The following ASXL2 variants were observed in gnomAD, a reference collection of about 807,000 sequenced individuals.
ASXL2 encodes the protein putative Polycomb group protein ASXL2.
Under a neutral mutation model 122.0 loss-of-function variants are expected in ASXL2, and 23 were observed. The observed-to-expected ratio is 0.19, with a 90% CI of 0.14 to 0.27. ASXL2 has a LOEUF of 0.27. Ranked by LOEUF, ASXL2 falls within the 10% of genes least tolerant of loss-of-function variation. The pLI, the probability that ASXL2 is intolerant of heterozygous loss-of-function variation, is 1.00. For synonymous variants in ASXL2, 650 were observed against 637.0 expected (o/e 1.02, Z -0.31); for missense variants, 1,518 against 1,713.8 (o/e 0.89, Z 2.02).
chr2:25,867,884 AC>A (rs2089922738), intron 1 of ASXL2, among the ~76,000 whole-genome samples: 1 of 152,288 alleles, frequency 6.6e-6, no homozygotes, highest in Admixed American at 6.5e-5. Flanking sequence ...GTCCTAGAAT[AC>A]CCAAGTCAAA....
At chr2:25,875,927 T>C (rs1228681637) in intron 1 of ASXL2, among the ~76,000 whole-genome samples, 1 of 152,234 alleles carries the variant, frequency 6.6e-6, no homozygotes, top group Non-Finnish European at 1.5e-5. Context: ...CAGTCTGAAA[T>C]ATTACAAATG....
At chr2:25,798,455 G>C (rs1467725786) in intron 5 of ASXL2, among the ~76,000 whole-genome samples, 3 of 152,106 alleles carry the variant, frequency 2.0e-5, no homozygotes, top group Admixed American at 6.6e-5. Flanking sequence ...TCAAACTATG[G>C]AAACATTAAA....
Position 25,769,339 on chromosome 2 carries a change from G to A in ASXL2, c.505-471C>T, listed in dbSNP as rs183069273. ...GTAGAAATGTAAATATTCAGTTTACGCAGGCTTCAGAGATACAATATTTTT... is the reference window on the plus strand; with the variant it reads ...GTAGAAATGTAAATATTCAGTTTACACAGGCTTCAGAGATACAATATTTTT... On this transcript the variant is annotated intron_variant, in intron 6 of 12. Transcript: ENST00000435504. 2.9e-4 allele frequency among the ~76,000 whole-genome samples: 44 copies of A among 152,222 alleles called. No homozygotes were observed. In the East Asian group the frequency reaches 6.0e-3, roughly 21 times the overall value.
At chr2:25,746,280 G>A (rs999406759) in intron 12 of ASXL2, among the ~76,000 whole-genome samples, 1 of 151,934 alleles carries the variant, frequency 6.6e-6, no homozygotes, top group Non-Finnish European at 1.5e-5. Context: ...CTCTAATTCC[G>A]AAGTTAGAGC....
In ASXL2 at chr2:25,735,554, G is replaced by A. The variant is rs770830366; in HGVS notation, c.*6475C>T. On this transcript the variant is annotated 3_prime_UTR_variant, in exon 13 of 13. Coordinates refer to ENST00000435504, the MANE Select transcript of ASXL2 (RefSeq NM_018263.6). The stretch of plus-strand genomic sequence containing the variant: ...TACAGTTACTTATCATCTATAAGAT[G>A]AAAATCATGTTTTAAGAAAAATTCC... 8 of 152,166 alleles carry A rather than the reference G, an allele frequency of 5.3e-5. No homozygotes were observed. The highest frequency in any genetic ancestry group is 1.2e-4 in the Non-Finnish European group (8 of 68,016). 9.4% of individuals were successfully genotyped at this position (152,166 alleles called of 1,614,324 possible).
chr2:25,765,335 A>G (rs1423481226), intron 8 of ASXL2, among the ~76,000 whole-genome samples: 1 of 151,794 alleles, frequency 6.6e-6, no homozygotes, highest in African/African-American at 2.4e-5. Context: ...AATACAAAAA[A>G]ATTAGCCGGG....
intron 8 of ASXL2, among the ~76,000 whole-genome samples, chr2:25,764,891 GA>G (rs2088316377): frequency 6.6e-6 from 1 of 152,126 alleles, no homozygotes; most frequent in Non-Finnish European, 1.5e-5. Context: ...ACTACTGACT[GA>G]ACTGTGTTCC....
intron 1 of ASXL2, among the ~76,000 whole-genome samples, chr2:25,851,808 T>C (rs1293983622): frequency 6.6e-6 from 1 of 152,054 alleles, no homozygotes; most frequent in East Asian, 1.9e-4. Context: ...CGAGAACCGC[T>C]TGAGCCTGGG....
intron 5 of ASXL2, among the ~76,000 whole-genome samples, chr2:25,790,800 C>CTTTTTTTTT (rs35046164): frequency 9.2e-6 from 1 of 108,852 alleles, no homozygotes; most frequent in Non-Finnish European, 1.8e-5. Context: ...AGTTTTTTGT[C>CTTTTTTTTT]TTTTTTTTTT....
rs2088961739 is a variant in ASXL2, at chr2:25,799,419, G to C, written c.369C>G (p.Asn123Lys). The change falls in exon 5 of 13, where the codon AAC becomes AAG. Residue 123 changes from asparagine (N) to lysine (K), a missense_variant. Asn to Lys is a moderately conservative substitution (Grantham distance 94). This residue lies in a region of ASXL2 where 198 missense variants were observed against 209.0 expected (regional missense o/e 0.95). Coordinates refer to ENST00000435504, the MANE Select transcript of ASXL2 (RefSeq NM_018263.6). ...NSSSSSDGGS[N>K]KEGKKSRWKR... ...TCCACCTGCTCTTTTTTCCCTCCTTGTTGCTGCCACCATCACTGCTGCTGC... is the reference window on the plus strand; with the variant it reads ...TCCACCTGCTCTTTTTTCCCTCCTTCTTGCTGCCACCATCACTGCTGCTGC... The C allele has an allele frequency of 6.2e-6, 10 of 1,613,728 alleles. No homozygotes were observed. Among genetic ancestry groups the C allele is most frequent in the Non-Finnish European group, 7.6e-6 (9 of 1,179,816 alleles).
At chr2:25,749,001 A>T (rs1012175291) in intron 12 of ASXL2, among the ~76,000 whole-genome samples, 18 of 152,216 alleles carry the variant, frequency 1.2e-4, no homozygotes, top group Non-Finnish European at 2.4e-4. Context: ...TTCCTTTAAT[A>T]GGAGGGAGCT....
intron 3 of ASXL2, among the ~76,000 whole-genome samples, chr2:25,818,958 C>CT (rs1328847816): frequency 6.6e-6 from 1 of 152,202 alleles, no homozygotes; most frequent in Non-Finnish European, 1.5e-5. Context: ...TCACATATGA[C>CT]TGCAGTGTCC....
At chr2:25,877,121 G>C (rs2090016176) in intron 1 of ASXL2, among the ~76,000 whole-genome samples, 1 of 151,904 alleles carries the variant, frequency 6.6e-6, no homozygotes, top group South Asian at 2.1e-4. Context: ...AAACCATATG[G>C]CATCTAATAA....
intron 4 of ASXL2, among the ~76,000 whole-genome samples, chr2:25,802,349 CTCTAT>C (rs1464724928): frequency 6.6e-6 from 1 of 152,202 alleles, no homozygotes; most frequent in Non-Finnish European, 1.5e-5. Flanking sequence ...TCTTTACAGT[CTCTAT>C]AGTGTCCAGC....
intron 10 of ASXL2, among the ~76,000 whole-genome samples, chr2:25,755,618 A>C (rs890681): frequency 0.28 from 42,246 of 152,064 alleles, 6,177 homozygotes; most frequent in African/African-American, 0.33. Flanking sequence ...GGCAGTAATA[A>C]ACAGATTATC....
intron 1 of ASXL2, among the ~76,000 whole-genome samples, chr2:25,873,376 T>C (rs549792360): frequency 1.6e-3 from 236 of 152,108 alleles, no homozygotes; most frequent in African/African-American, 5.5e-3. Context: ...GCACCACTGC[T>C]CTCCAGACTG....
rs150474765 is a variant in ASXL2, at chr2:25,876,068, C to T, written c.57+2098G>A. 6.0e-3 allele frequency among the ~76,000 whole-genome samples: 911 copies of T among 152,092 alleles called. 8 individuals are homozygous for T. Among genetic ancestry groups the T allele is most frequent in the African/African-American group, 0.021 (857 of 41,516 alleles). ...AACCCCCCAAAATTAAGAGTGTTTT[C>T]TAGATTTTGGCTACTAGAAAAACTT... On this transcript the variant is annotated intron_variant, in intron 1 of 12. Transcript: ENST00000435504.
At chr2:25,810,271 A>G in intron 3 of ASXL2, 2 of 630,918 alleles carry the variant, frequency 3.2e-6, no homozygotes, top group Admixed American at 3.7e-5. Flanking sequence ...ATGACCACCA[A>G]CTTACGAGCC....
rs544281410 is a variant in ASXL2 at position 25,865,123 on chromosome 2, A to G, written c.57+13043T>C. On this transcript the variant is annotated intron_variant, in intron 1 of 12. Transcript: ENST00000435504. ...CAGGTGTGAGCCACCGCACCAGGCT[A>G]AAATTTACAATTTAAATCCAATTTA... Among the ~76,000 whole-genome samples the G allele has an allele frequency of 3.3e-5, 5 of 151,854 alleles. No homozygotes were observed. The South Asian group carries it at 1.0e-3, about 32-fold the overall frequency.
Sources: gnomAD v4.1 joint callset for allele counts (sites outside exome capture counted in the v4.1 genomes callset) on GRCh38, gnomAD v4.1.1 for gene constraint, gnomAD v4.1.1 regional missense constraint, MANE v1.5 for transcripts, NCBI Gene and HGNC (gene_info 2026-07-23, HGNC 2026-07-21) for gene names.